Variants in SNRPN observed in about 807,000 individuals in gnomAD.
SNRPN encodes the protein small nuclear ribonucleoprotein-associated protein N.
SNRPN carries 7 observed loss-of-function variants against 25.2 expected under a neutral mutation model. The ratio of observed to expected loss-of-function variants is 0.28; its 90% CI spans 0.16 to 0.52. The LOEUF (loss-of-function observed/expected upper bound fraction) is 0.52, where lower values mean the gene tolerates loss of function less well. Among genes scored for constraint, SNRPN ranks in the 20% least tolerant of loss-of-function variants. The pLI, the probability that SNRPN is intolerant of heterozygous loss-of-function variation, is 0.96. For synonymous variants in SNRPN, 124 were observed against 110.6 expected (o/e 1.12, Z -0.76); for missense variants, 196 against 322.5 (o/e 0.61, Z 3.00).
intron 1 of SNRPN, among the ~76,000 whole-genome samples, chr15:24,872,358 G>A (rs2055233819): frequency 8.4e-6 from 1 of 118,862 alleles, no homozygotes; most frequent in Non-Finnish European, 1.8e-5. Flanking sequence ...GTAGAGACAG[G>A]GTTTCACCAT....
intron 1 of SNRPN, among the ~76,000 whole-genome samples, chr15:24,824,671 T>G (rs2049953063): frequency 6.6e-6 from 1 of 152,126 alleles, no homozygotes; most frequent in South Asian, 2.1e-4. Flanking sequence ...TTTTATTGAC[T>G]TAGTCAATAG....
chr15:24,907,294 C>T (rs560942882), intron 2 of SNRPN, among the ~76,000 whole-genome samples: 1 of 152,162 alleles, frequency 6.6e-6, no homozygotes, highest in East Asian at 1.9e-4. Context: ...AATGATGGTG[C>T]CCTCTCAAAA....
At chr15:24,933,991 A>C (rs2152922034) in intron 3 of SNRPN, among the ~76,000 whole-genome samples, 1 of 152,210 alleles carries the variant, frequency 6.6e-6, no homozygotes, top group Admixed American at 6.5e-5. Flanking sequence ...GAGCTAACAA[A>C]GTTTTTTATG....
rs571670335 is a variant in SNRPN at position 24,938,638 on chromosome 15, C to T, written c.-391+18514C>T. Among the ~76,000 whole-genome samples the T allele has an allele frequency of 2.6e-5, 4 of 152,286 alleles. No homozygotes were observed. The South Asian group carries it at 6.2e-4, about 24-fold the overall frequency. ...GGGCATGCCACACTACACCACATCA[C>T]GTGAGGAGCACTAGGTTTTGGTCAG... On this transcript the variant is annotated intron_variant, in intron 3 of 11. Coordinates refer to the SNRPN transcript ENST00000400097.
chr15:24,864,614 G>A (rs1001042752), intron 1 of SNRPN, among the ~76,000 whole-genome samples: 2 of 151,642 alleles, frequency 1.3e-5, no homozygotes, highest in South Asian at 4.2e-4. Context: ...AAAGTTCTGG[G>A]ATTACAGGTG....
chr15:24,892,393 GGAACA>G lies in SNRPN; in HGVS notation c.-505+5808_-505+5812del, dbSNP rs148404632. 4.5e-3 allele frequency among the ~76,000 whole-genome samples: 692 copies of G among 152,244 alleles called. 1 individual carries two copies. The highest frequency in any genetic ancestry group is 0.016 in the African/African-American group (661 of 41,550). ...TTGAAAGTGGCAAGAGTAGGAAGGA[GGAACA>G]GAAAGAGGGGGAAGGAAGAGGTCTT... On this transcript the variant is annotated intron_variant, in intron 2 of 11. Coordinates refer to the SNRPN transcript ENST00000400097.
At chr15:24,867,724 C>T (rs898509662) in intron 1 of SNRPN, among the ~76,000 whole-genome samples, 1 of 152,020 alleles carries the variant, frequency 6.6e-6, no homozygotes, top group African/African-American at 2.4e-5. Flanking sequence ...TTTTTTGATC[C>T]ACTCCAACAG....
chr15:24,973,778 A>G (rs949234955), intron 3 of SNRPN, among the ~76,000 whole-genome samples: 7 of 152,324 alleles, frequency 4.6e-5, no homozygotes, highest in African/African-American at 1.7e-4. Context: ...TATATATTCC[A>G]TAGTCATGTG....
chr15:24,859,629 G>A (rs1343362859), intron 1 of SNRPN, among the ~76,000 whole-genome samples: 1 of 152,200 alleles, frequency 6.6e-6, no homozygotes, highest in Non-Finnish European at 1.5e-5. Context: ...CAGACCCCAA[G>A]AGAGGGTTGC....
Position 24,834,728 on chromosome 15 carries a change from C to CCTCTCTCTCTCTCTCTCTCTCT in SNRPN, c.-579+4826_-579+4847dup, listed in dbSNP as rs372713413. ...GAGTGAGACCTTGTCTCTCTCTCTC[C>CCTCTCTCTCTCTCTCTCTCTCT]CTCTCTCTCTCTCTCTCTCTCTCTA... On this transcript the variant is annotated intron_variant, in intron 2 of 12. Coordinates refer to the SNRPN transcript ENST00000400100. Among the ~76,000 whole-genome samples, 49 of 42,794 alleles carry CCTCTCTCTCTCTCTCTCTCTCT rather than the reference C, an allele frequency of 1.1e-3. 1 individual carries two copies. Among genetic ancestry groups the CCTCTCTCTCTCTCTCTCTCTCT allele is most frequent in the African/African-American group, 1.9e-3 (25 of 12,988 alleles). The allele number at this position is 42,794 out of a possible 152,430, so 28.1% of individuals were successfully genotyped here.
intron 2 of SNRPN, among the ~76,000 whole-genome samples, chr15:24,840,823 G>C (rs1338900489): frequency 6.6e-6 from 1 of 152,266 alleles, no homozygotes; most frequent in South Asian, 2.1e-4. Context: ...AAACTGGGCT[G>C]TTACATTGTG....
At chr15:24,874,828 C>CA (rs1435923418) in intron 1 of SNRPN, among the ~76,000 whole-genome samples, 1 of 152,114 alleles carries the variant, frequency 6.6e-6, no homozygotes, top group African/African-American at 2.4e-5. Flanking sequence ...AAATCATGGA[C>CA]AGGGTGTGTT....
chr15:24,946,487 A>G (rs1239700243), intron 3 of SNRPN, among the ~76,000 whole-genome samples: 2 of 152,168 alleles, frequency 1.3e-5, no homozygotes, highest in African/African-American at 4.8e-5. Context: ...TTTGAGACGA[A>G]GTCTTGGAAT....
intron 1 of SNRPN, among the ~76,000 whole-genome samples, chr15:24,881,526 CGAGAGAGA>C (rs758798894): frequency 4.1e-4 from 30 of 72,520 alleles, no homozygotes; most frequent in Non-Finnish European, 4.0e-4. Flanking sequence ...AGCGAAACTC[CGAGAGAGA>C]GAGAGAGAGA....
chr15:24,968,527 A>C (rs925256256), intron 3 of SNRPN: 5 of 155,416 alleles, frequency 3.2e-5, no homozygotes, highest in Non-Finnish European at 7.1e-5. Flanking sequence ...ATATGAACTT[A>C]AGGTACATTT....
chr15:24,951,700 G>T (rs1027429665), upstream of SNRPN, among the ~76,000 whole-genome samples: 1 of 151,992 alleles, frequency 6.6e-6, no homozygotes, highest in Non-Finnish European at 1.5e-5. Context: ...TAAAGACGGG[G>T]TTTCACCACG....
At chr15:24,914,149 G>A (rs867841196) in intron 2 of SNRPN, among the ~76,000 whole-genome samples, 3 of 151,982 alleles carry the variant, frequency 2.0e-5, no homozygotes, top group East Asian at 1.9e-4. Flanking sequence ...CTTGCTTTTC[G>A]GCCAGTAAAG....
chr15:24,923,139 C>T (rs557969690), intron 3 of SNRPN, among the ~76,000 whole-genome samples: 3 of 152,168 alleles, frequency 2.0e-5, no homozygotes, highest in South Asian at 2.1e-4. Flanking sequence ...CTCCTGACCT[C>T]GGGTGATCTG....
chr15:24,957,601 C>T (rs938330543), intron 1 of SNRPN, among the ~76,000 whole-genome samples: 1 of 152,122 alleles, frequency 6.6e-6, no homozygotes, highest in Non-Finnish European at 1.5e-5. Context: ...ACTGGTATGT[C>T]TGGTTGCACT....
Sources: gnomAD v4.1 joint callset for allele counts (sites outside exome capture counted in the v4.1 genomes callset) on GRCh38, gnomAD v4.1.1 for gene constraint, MANE v1.5 for transcripts, NCBI Gene and HGNC (gene_info 2026-07-23, HGNC 2026-07-21) for gene names.